NTRK1: variants seen among roughly 807,000 people sequenced by gnomAD.
NTRK1 encodes the protein high affinity nerve growth factor receptor.
A neutral mutation model predicts 86.8 loss-of-function variants in NTRK1; 62 were observed. That is an observed-to-expected ratio of 0.71 (90% confidence interval 0.58 to 0.88). NTRK1 has a LOEUF of 0.88. NTRK1 is among the 40% of genes least tolerant of loss of function. NTRK1 has a pLI of 0.00. For synonymous variants in NTRK1, 469 were observed against 456.6 expected (o/e 1.03, Z -0.35); for missense variants, 967 against 1,078.4 (o/e 0.90, Z 1.45).
chr1:156,881,244 T>G (rs1371379953), intron 16 of NTRK1, among the ~76,000 whole-genome samples: 2 of 152,164 alleles, frequency 1.3e-5, no homozygotes, highest in Non-Finnish European at 2.9e-5. Context: ...AGCCCAAGCT[T>G]CCCATAGTCG....
upstream of NTRK1, chr1:156,860,813 C>G: frequency 7.5e-7 from 1 of 1,338,420 alleles, no homozygotes; most frequent in Non-Finnish European, 9.5e-7. Flanking sequence ...GCCGCTGGCT[C>G]CGCCCTTTCC....
At chr1:156,834,261 A>T (rs556961115) in intron 1 of NTRK1, among the ~76,000 whole-genome samples, 39 of 152,256 alleles carry the variant, frequency 2.6e-4, no homozygotes, top group African/African-American at 9.1e-4. Context: ...GTCTCAGAAG[A>T]TGCAAGTCCC....
intron 7 of NTRK1, among the ~76,000 whole-genome samples, chr1:156,872,805 A>G (rs1285860007): frequency 4.6e-5 from 7 of 151,262 alleles, no homozygotes; most frequent in African/African-American, 1.7e-4. Context: ...CCTCCTGAGT[A>G]TCTGGGACTA....
At chr1:156,817,047 T>TCTCTCTCTCTCTCTCTCTCTCTCTCTC (rs1654008835) in intron 1 of NTRK1, among the ~76,000 whole-genome samples, 3 of 113,860 alleles carry the variant, frequency 2.6e-5, no homozygotes, top group African/African-American at 6.4e-5. Flanking sequence ...GAACTTCCCT[T>TCTCTCTCTCTCTCTCTCTCTCTCTCTC]TCTCTCTCTC....
chr1:156,873,863 C>T lies in NTRK1; in HGVS notation c.1081C>T (p.Leu361=), dbSNP rs763806584. 6.2e-7 allele frequency: 1 copy of T among 1,603,398 alleles called. No individual in the cohort carries two copies. Among genetic ancestry groups the T allele is most frequent in the Non-Finnish European group, 8.5e-7 (1 of 1,174,770 alleles). ...CCACGTCAACAACGGCAACTACACG[C>T]TGCTGGCTGCCAACCCCTTCGGCCA... ...PTHVNNGNYT[L]LAANPFGQAS... is the part of the protein sequence containing the mutation. The change falls in exon 8 of 17, where the codon CTG becomes TTG. Residue 361 remains leucine, a synonymous_variant. Coordinates refer to ENST00000524377, the MANE Select transcript of NTRK1 (RefSeq NM_002529.4).
At chr1:156,827,525 A>G (rs760926401) in intron 1 of NTRK1, among the ~76,000 whole-genome samples, 15 of 152,048 alleles carry the variant, frequency 9.9e-5, no homozygotes, top group Non-Finnish European at 2.1e-4. Flanking sequence ...GCCTCCCCAA[A>G]TGCTGAGATT....
In NTRK1 at chr1:156,866,906, G is replaced by A. The variant is rs761530159; in HGVS notation, c.360-4G>A. On this transcript the variant is annotated splice_polypyrimidine_tract_variant and splice_region_variant and intron_variant, in intron 3 of 16. Transcript: ENST00000524377. The stretch of plus-strand genomic sequence containing the variant: ...TCTGTCTTGCTGTGTCTCCACGCCC[G>A]CAGGAATCTCTCCTTCAACGCTCTG... 2.6e-5 allele frequency: 42 copies of A among 1,614,038 alleles called. No individual in the cohort carries two copies. The highest frequency in any genetic ancestry group is 3.2e-5 in the Non-Finnish European group (38 of 1,179,976).
chr1:156,832,252 C>T (rs773746687), intron 1 of NTRK1, among the ~76,000 whole-genome samples: 6 of 152,192 alleles, frequency 3.9e-5, no homozygotes, highest in Non-Finnish European at 7.3e-5. Flanking sequence ...ATTAATTCAT[C>T]AAGCATCTAT....
At chr1:156,843,679 G>A (rs556106224) in intron 2 of NTRK1, among the ~76,000 whole-genome samples, 125 of 152,348 alleles carry the variant, frequency 8.2e-4, no homozygotes, top group Middle Eastern at 3.4e-3. Flanking sequence ...CAGGGAATAG[G>A]GAGGACACAG....
chr1:156,830,573 T>C lies in NTRK1; in HGVS notation c.-63-11508T>C, dbSNP rs1654443181. Among the ~76,000 whole-genome samples the C allele has an allele frequency of 3.0e-5, 3 of 99,974 alleles. 1 individual carries two copies. The South Asian group carries it at 1.1e-3, about 37-fold the overall frequency. The allele number at this position is 99,974 out of a possible 152,430, so 65.6% of individuals were successfully genotyped here. On this transcript the variant is annotated intron_variant, in intron 1 of 16. Coordinates refer to the NTRK1 transcript ENST00000392302. ...TTCTTTTTTTTTTTTTTTTTTTTTT[T>C]TGAGACAGAGTCTCGCTCTGTTACC...
intron 1 of NTRK1, among the ~76,000 whole-genome samples, chr1:156,828,418 A>G (rs72698647): frequency 0.048 from 7,377 of 152,258 alleles, 244 homozygotes; most frequent in African/African-American, 0.087. Flanking sequence ...GGAAAAAAAA[A>G]GCAAAGAAAG....
At chr1:156,879,453 A>T (rs2102925811) in intron 15 of NTRK1, 91 bp downstream of exon 15, 1 of 1,478,708 alleles carries the variant, frequency 6.8e-7, no homozygotes, top group Non-Finnish European at 9.1e-7. Context: ...CCTTGCTAGG[A>T]TGGCTGCATG....
At position 156,861,105 on chromosome 1, in the gene NTRK1, T is replaced by G. The variant is rs1368793761; in HGVS notation, c.171T>G (p.Asp57Glu). The change falls in exon 1 of 17, where the codon GAT (aspartate) becomes GAG (glutamate). Residue 57 changes from aspartate (D) to glutamate (E), a missense_variant. Asp to Glu is a conservative substitution (Grantham distance 45, BLOSUM62 2). This residue lies in a region of NTRK1 where 330 missense variants were observed against 302.0 expected (regional missense o/e 1.09). Coordinates refer to ENST00000524377, the MANE Select transcript of NTRK1 (RefSeq NM_002529.4). ...GATGCACCCGGGATGGGGCCCTGGA[T>G]AGCCTCCACCACCTGCCCGGCGCAG... ...GLRCTRDGAL[D>E]SLHHLPGAEN... is the part of the protein sequence containing the mutation. The G allele has an allele frequency of 1.3e-6, 2 of 1,585,274 alleles. No individual in the cohort carries two copies. Among genetic ancestry groups the G allele is most frequent in the African/African-American group, 1.3e-5 (1 of 74,730 alleles).
chr1:156,852,233 C>T, intron 2 of NTRK1: 1 of 1,535,030 alleles, frequency 6.5e-7, no homozygotes, highest in South Asian at 1.3e-5. Flanking sequence ...CATGCCCCCT[C>T]AGTCCTGGCT....
At chr1:156,825,146 C>T (rs1340256856) in intron 1 of NTRK1, among the ~76,000 whole-genome samples, 1 of 152,236 alleles carries the variant, frequency 6.6e-6, no homozygotes, top group African/African-American at 2.4e-5. Flanking sequence ...GCCTCAGCCT[C>T]CCAAAGTGGT....
chr1:156,868,725 C>A, intron 6 of NTRK1, 78 bp downstream of exon 6: 1 of 1,526,264 alleles, frequency 6.6e-7, no homozygotes, highest in Non-Finnish European at 8.8e-7. Context: ...GAGAGACACA[C>A]TGTGGAGGAA....
intron 16 of NTRK1, chr1:156,880,489 G>C (rs1648193221): frequency 2.9e-6 from 1 of 347,326 alleles, no homozygotes; most frequent in South Asian, 3.3e-5. Context: ...ACCAGCACGG[G>C]AAGAGGAACC....
At chr1:156,852,085 A>G (rs1427151945) in intron 2 of NTRK1, 1 of 1,613,716 alleles carries the variant, frequency 6.2e-7, no homozygotes, top group Non-Finnish European at 8.5e-7. Flanking sequence ...GGTGGCGGCA[A>G]GCTACACAGG....
chr1:156,871,844 G>T, intron 7 of NTRK1, 89 bp downstream of exon 7: 10 of 1,561,686 alleles, frequency 6.4e-6, no homozygotes, highest in Non-Finnish European at 8.8e-6. Context: ...TGGAAGAAAG[G>T]GTGGGATGTG....
Sources: allele counts gnomAD v4.1 joint callset (sites outside exome capture counted in the v4.1 genomes callset), GRCh38; gene constraint gnomAD v4.1.1; regional missense constraint gnomAD v4.1.1; transcripts MANE v1.5; gene names NCBI Gene and HGNC (gene_info 2026-07-23, HGNC 2026-07-21).